NOD1: variants seen among roughly 807,000 people sequenced by gnomAD.
NOD1 encodes nucleotide-binding oligomerization domain-containing protein 1.
Under a neutral mutation model 81.2 loss-of-function variants are expected in NOD1, and 70 were observed. The ratio of observed to expected loss-of-function variants is 0.86; its 90% CI spans 0.71 to 1.05. NOD1 has a LOEUF of 1.05. Ranked by LOEUF, NOD1 falls within the 50% of genes least tolerant of loss-of-function variation. The pLI is 0.00. For missense variants in NOD1, 1,233 were observed against 1,228.0 expected (o/e 1.00, Z -0.06); for synonymous variants, 508 against 526.9 (o/e 0.96, Z 0.49).
intron 12 of NOD1, among the ~76,000 whole-genome samples, chr7:30,430,532 G>A (rs927562091): frequency 1.3e-5 from 2 of 152,174 alleles, no homozygotes; most frequent in Admixed American, 6.5e-5. Context: ...GGAAGACGAG[G>A]GCCCTATGCT....
At position 30,433,106 on chromosome 7, in the gene NOD1, T is replaced by C. The variant is rs1315346785; in HGVS notation, c.2695A>G (p.Lys899Glu). The change falls in exon 12 of 14, where the codon AAG (lysine) becomes GAG (glutamate). Residue 899 changes from lysine (K) to glutamate (E), a missense_variant. Lys to Glu is a moderately conservative substitution (Grantham distance 56). Transcript: ENST00000222823. ...GGCTCTCTGAGTTACCATAAATGCTTTAACGTCTGGTTGACTTTCAACATT... is the reference window on the plus strand; with the variant it reads ...GGCTCTCTGAGTTACCATAAATGCTCTAACGTCTGGTTGACTTTCAACATT... ...AEMLKVNQTLKHLWLIQNQIT... is the reference protein window; with the variant it reads ...AEMLKVNQTLEHLWLIQNQIT... The C allele has an allele frequency of 1.9e-6, 3 of 1,612,304 alleles. No homozygotes were observed. The highest frequency in any genetic ancestry group is 1.1e-5 in the South Asian group (1 of 91,044).
chr7:30,455,162 G>A lies in NOD1; in HGVS notation c.351C>T (p.Ser117=), dbSNP rs141434596. 1.9e-6 allele frequency: 3 copies of A among 1,613,912 alleles called. No individual in the cohort carries two copies. Among genetic ancestry groups the A allele is most frequent in the African/African-American group, 2.7e-5 (2 of 74,924 alleles). The part of the protein sequence containing the change: ...IGFSPSLLTQ[S]KVVVNTDPVS... Reference sequence around the variant, plus strand: ...CTGGGTCAGTGTTGACCACGACTTTGCTCTGAGTGAGCAGGGAAGGGGAGA... The same window carrying A: ...CTGGGTCAGTGTTGACCACGACTTTACTCTGAGTGAGCAGGGAAGGGGAGA... Residue 117 remains serine, a synonymous_variant, in exon 5 of 14, where the codon AGC becomes AGT. Transcript: ENST00000222823.
rs79719900 is a variant in NOD1, at chr7:30,472,329, G to T, written c.-352+6277C>A. Among the ~76,000 whole-genome samples, 1,368 of 152,236 alleles carry T rather than the reference G, an allele frequency of 9.0e-3. 87 individuals carry two copies. The East Asian group carries it at 0.17, about 18-fold the overall frequency. On this transcript the variant is annotated intron_variant, in intron 1 of 13. Transcript: ENST00000222823. ...CCTTCCCATTCACCTCTGGGTCTTT[G>T]AACCCACTGTTCTCTGCATCCAGCA...
intron 1 of NOD1, among the ~76,000 whole-genome samples, chr7:30,463,378 A>G (rs899961056): frequency 3.4e-5 from 5 of 148,270 alleles, no homozygotes; most frequent in African/African-American, 1.0e-4. Flanking sequence ...TTCAGGTAGA[A>G]AAAAAATGAT....
At chr7:30,446,630 A>G in intron 8 of NOD1, 1 of 396,544 alleles carries the variant, frequency 2.5e-6, no homozygotes, top group South Asian at 3.2e-5. Context: ...CGCAGGGCAC[A>G]CCTACAGCAG....
At chr7:30,445,280 A>AAAAAAAAAAAAAAAAAAAAAAAAAAATC (rs1784931056) in intron 9 of NOD1, among the ~76,000 whole-genome samples, 1 of 62,068 alleles carries the variant, frequency 1.6e-5, no homozygotes, top group Non-Finnish European at 3.0e-5. Context: ...AAAGAATCTA[A>AAAAAAAAAAAAAAAAAAAAAAAAAAATC]AAAAAAAAAA....
intron 1 of NOD1, among the ~76,000 whole-genome samples, chr7:30,472,741 C>T (rs1788399824): frequency 6.6e-6 from 1 of 152,216 alleles, no homozygotes; most frequent in South Asian, 2.1e-4. Context: ...GAAGAGGGTC[C>T]TCACCAAACT....
intron 1 of NOD1, chr7:30,460,317 G>A (rs1193696011): frequency 2.0e-6 from 2 of 985,330 alleles, no homozygotes; most frequent in East Asian, 1.1e-4. Flanking sequence ...CCAGAGATCT[G>A]CTGGCCCTGG....
intron 1 of NOD1, among the ~76,000 whole-genome samples, chr7:30,470,840 T>C (rs1047794235): frequency 2.6e-5 from 4 of 152,138 alleles, no homozygotes; most frequent in African/African-American, 7.2e-5. Context: ...AGCCTTGAAG[T>C]GGAAACCGGT....
intron 4 of NOD1, 102 bp from the exon 5 acceptor site, chr7:30,455,413 A>G (rs1562694859): frequency 1.2e-6 from 1 of 860,678 alleles, no homozygotes; most frequent in South Asian, 1.6e-5. Context: ...AGTTCTTAGT[A>G]CAGCCGGTAG....
Position 30,436,039 on chromosome 7 carries a change from A to C in NOD1, c.2580T>G (p.Leu860=), listed in dbSNP as rs559461921. 3 of 1,614,220 alleles carry C rather than the reference A, an allele frequency of 1.9e-6. No individual in the cohort carries two copies. The East Asian group carries it at 6.7e-5, about 36-fold the overall frequency. ...NGISTEGGKS[L]ARALQQNTSL... is the part of the protein sequence containing the mutation. ...ACGTGTTCTGCTGCAGGGCCCTCGCAAGGCTCTTTCCTCCTTCTGTGGAGA... is the reference window on the plus strand; with the variant it reads ...ACGTGTTCTGCTGCAGGGCCCTCGCCAGGCTCTTTCCTCCTTCTGTGGAGA... The change falls in exon 11 of 14, where the codon CTT becomes CTG. Residue 860 remains leucine, a synonymous_variant. Coordinates refer to ENST00000222823, the MANE Select transcript of NOD1 (RefSeq NM_006092.4).
chr7:30,425,813 A>G (rs1783400152), intron 13 of NOD1, 103 bp from the exon 14 acceptor site: 11 of 798,674 alleles, frequency 1.4e-5, no homozygotes, highest in South Asian at 1.1e-4. Flanking sequence ...GTATCACACA[A>G]TACACATGTA....
chr7:30,478,103 C>T lies in NOD1; in HGVS notation c.-352+503G>A, dbSNP rs966820296. Reference sequence around the variant, plus strand: ...GAAACCCAAGGGAAGTTCTCACCCTCTCTCCAGGACCAAGCAGGACACTGG... The same window carrying T: ...GAAACCCAAGGGAAGTTCTCACCCTTTCTCCAGGACCAAGCAGGACACTGG... On this transcript the variant is annotated intron_variant, in intron 1 of 13. Transcript: ENST00000222823. This position sits in a 1 kb window ranked among gnomAD's most constrained non-coding sequence, Gnocchi z 4.1. Among the ~76,000 whole-genome samples, 1 of 152,194 alleles carries T rather than the reference C, an allele frequency of 6.6e-6. No individual in the cohort carries two copies. Among genetic ancestry groups the T allele is most frequent in the African/African-American group, 2.4e-5 (1 of 41,446 alleles).
rs1023351584 is a variant in NOD1 at position 30,437,743 on chromosome 7, G to T, written c.2454-87C>A. The T allele has an allele frequency of 9.2e-6, 8 of 874,220 alleles. No homozygotes were observed. The African/African-American group carries it at 1.3e-4, about 14-fold the overall frequency. 54.2% of individuals were successfully genotyped at this position (874,220 alleles called of 1,614,324 possible). ...CTTTTTTGCCAATGGCCACAGCTCA[G>T]TTCCTACTCAACAGGCAGATGTTTG... On this transcript the variant is annotated intron_variant, in intron 9 of 13. Transcript: ENST00000222823.
intron 12 of NOD1, among the ~76,000 whole-genome samples, chr7:30,431,447 CAT>C (rs1382606431): frequency 6.6e-6 from 1 of 152,202 alleles, no homozygotes. Flanking sequence ...ATAGGAGAGA[CAT>C]ATAAATCAAT....
chr7:30,463,996 T>C (rs1187376751), intron 1 of NOD1: 1 of 152,262 alleles, frequency 6.6e-6, no homozygotes, highest in Admixed American at 6.5e-5. Flanking sequence ...CGTTATCTTG[T>C]GTTTCTTTGT....
intron 9 of NOD1, among the ~76,000 whole-genome samples, chr7:30,438,232 C>A (rs577715776): frequency 3.3e-5 from 5 of 152,286 alleles, no homozygotes; most frequent in African/African-American, 1.2e-4. Context: ...ACAGGTGCGG[C>A]GATAAAGCTG....
intron 9 of NOD1, 56 bp downstream of exon 9, chr7:30,446,085 C>CCG: frequency 7.5e-7 from 1 of 1,337,072 alleles, no homozygotes; most frequent in Non-Finnish European, 1.1e-6. Context: ...ACAGCAAGGC[C>CCG]CGCCCCCCAC....
At chr7:30,455,378 C>A (rs1786246184) in intron 4 of NOD1, 67 bp from the exon 5 acceptor site, 2 of 1,305,532 alleles carry the variant, frequency 1.5e-6, no homozygotes, top group South Asian at 2.6e-5. Context: ...TAAGGACCCT[C>A]AGGCAGGCTC....
Sources: allele counts gnomAD v4.1 joint callset (sites outside exome capture counted in the v4.1 genomes callset), GRCh38; gene constraint gnomAD v4.1.1; non-coding constraint Gnocchi (gnomAD v3.1); transcripts MANE v1.5; gene names NCBI Gene and HGNC (gene_info 2026-07-23, HGNC 2026-07-21).